The following VPS54 variants were observed in gnomAD, a reference collection of about 807,000 sequenced individuals.
VPS54 encodes VPS54 subunit of GARP complex, also known as vacuolar protein sorting-associated protein 54.
In VPS54, 45 loss-of-function variants were observed where a neutral mutation model predicts 121.5. That is an observed-to-expected ratio of 0.37 (90% CI 0.29 to 0.47). The LOEUF (loss-of-function observed/expected upper bound fraction) is 0.47. Ranked by LOEUF, VPS54 falls within the 20% of genes least tolerant of loss-of-function variation. The pLI is 0.99. For missense variants in VPS54, 1,090 were observed against 1,131.4 expected (o/e 0.96, Z 0.52); for synonymous variants, 371 against 385.8 (o/e 0.96, Z 0.45).
intron 1 of VPS54, among the ~76,000 whole-genome samples, chr2:63,995,932 G>A (rs529847443): frequency 2.9e-4 from 44 of 152,284 alleles, no homozygotes; most frequent in African/African-American, 8.7e-4. Flanking sequence ...TAGATCAGGT[G>A]GCAGAAAATC....
chr2:64,005,197 A>G (rs541369971), intron 1 of VPS54, among the ~76,000 whole-genome samples: 3 of 123,844 alleles, frequency 2.4e-5, no homozygotes, highest in African/African-American at 9.3e-5. Context: ...TCCGCCTCCC[A>G]GGTTCACGCC....
At position 63,916,892 on chromosome 2, in the gene VPS54, T is replaced by A; in HGVS notation, c.2228+8A>T. Reference sequence around the variant, plus strand: ...GACTCAACTACTAAAGAAAAATGTGTCACTCACCCAACAACTGCATACTGT... The same window carrying A: ...GACTCAACTACTAAAGAAAAATGTGACACTCACCCAACAACTGCATACTGT... On this transcript the variant is annotated splice_region_variant and intron_variant, in intron 16 of 22. Coordinates refer to ENST00000272322, the MANE Select transcript of VPS54 (RefSeq NM_016516.3). The A allele has an allele frequency of 6.2e-7, 1 of 1,613,296 alleles. No individual in the cohort carries two copies.
At chr2:64,005,086 CTTCTTTTTTTTTTTTTTTT>C (rs1163473285) in intron 1 of VPS54, among the ~76,000 whole-genome samples, 2 of 76,604 alleles carry the variant, frequency 2.6e-5, no homozygotes, top group African/African-American at 1.2e-4. Context: ...TCTACTATTG[CTTCTTTTTTTTTTTTTTTT>C]TTTTTTTTTT....
chr2:63,970,705 C>T (rs1407716352), intron 4 of VPS54, among the ~76,000 whole-genome samples: 1 of 152,136 alleles, frequency 6.6e-6, no homozygotes, highest in African/African-American at 2.4e-5. Flanking sequence ...AGGTGCAATT[C>T]TCTCTTGGTT....
chr2:64,001,217 C>T (rs1677859794), intron 1 of VPS54, among the ~76,000 whole-genome samples: 1 of 151,934 alleles, frequency 6.6e-6, no homozygotes. Context: ...GATACAAGGG[C>T]TCTTCAGTCA....
intron 9 of VPS54, among the ~76,000 whole-genome samples, chr2:63,945,703 T>G (rs1402479473): frequency 2.6e-5 from 4 of 152,120 alleles, no homozygotes; most frequent in Admixed American, 2.0e-4. Context: ...TCACCTAATA[T>G]TCAAAACTGT....
intron 8 of VPS54, 71 bp downstream of exon 8, chr2:63,948,966 G>A: frequency 1.3e-6 from 2 of 1,558,884 alleles, no homozygotes; most frequent in East Asian, 4.5e-5. Flanking sequence ...CCTATAATCT[G>A]AGAAAAATGT....
chr2:63,964,845 T>G (rs1051216559), intron 6 of VPS54, among the ~76,000 whole-genome samples: 4 of 152,176 alleles, frequency 2.6e-5, no homozygotes, highest in African/African-American at 9.7e-5. Flanking sequence ...CTTCTCATTT[T>G]AAGAACTACC....
intron 7 of VPS54, among the ~76,000 whole-genome samples, chr2:63,950,522 T>C (rs1675190800): frequency 6.6e-6 from 1 of 152,194 alleles, no homozygotes; most frequent in South Asian, 2.1e-4. Flanking sequence ...AGGTACTTCC[T>C]GACTTCAGAG....
chr2:63,986,096 C>T (rs1025870411), intron 1 of VPS54, among the ~76,000 whole-genome samples: 1 of 152,140 alleles, frequency 6.6e-6, no homozygotes, highest in Admixed American at 6.5e-5. Flanking sequence ...TTTGTGAGTA[C>T]ACAGTAGGTA....
chr2:63,960,193 G>A (rs528769212), intron 7 of VPS54, among the ~76,000 whole-genome samples: 80 of 152,070 alleles, frequency 5.3e-4, no homozygotes, highest in African/African-American at 1.8e-3. Flanking sequence ...AGCTAAGAGC[G>A]CACCACTGCA....
intron 22 of VPS54, among the ~76,000 whole-genome samples, chr2:63,894,633 G>A (rs544597944): frequency 3.3e-5 from 5 of 151,700 alleles, no homozygotes; most frequent in South Asian, 2.1e-4. Context: ...AGCCACGGAG[G>A]TTGAGGCTGC....
At chr2:63,955,440 T>G (rs545612524) in intron 7 of VPS54, among the ~76,000 whole-genome samples, 5 of 152,116 alleles carry the variant, frequency 3.3e-5, no homozygotes, top group Non-Finnish European at 7.4e-5. Context: ...AGAATTATGG[T>G]GGGAGGTCCA....
At chr2:64,012,736 C>G (rs1191087838) in intron 1 of VPS54, among the ~76,000 whole-genome samples, 5 of 151,882 alleles carry the variant, frequency 3.3e-5, no homozygotes, top group African/African-American at 1.2e-4. Flanking sequence ...CAAATGAAGG[C>G]CCTTTCCCTC....
chr2:63,921,446 A>C, intron 12 of VPS54, 111 bp from the exon 13 acceptor site: 1 of 1,192,276 alleles, frequency 8.4e-7, no homozygotes, highest in Non-Finnish European at 1.2e-6. Context: ...CATTTGAAGA[A>C]AAATTCTATG....
intron 12 of VPS54, among the ~76,000 whole-genome samples, chr2:63,929,925 A>C (rs750550325): frequency 2.6e-5 from 4 of 152,194 alleles, no homozygotes; most frequent in Non-Finnish European, 4.4e-5. Context: ...GAAATGGATA[A>C]ATTCCTCGAC....
At chr2:63,901,407 G>A (rs984135456) in intron 20 of VPS54, among the ~76,000 whole-genome samples, 5 of 152,148 alleles carry the variant, frequency 3.3e-5, no homozygotes, top group Non-Finnish European at 5.9e-5. Context: ...AAGGCCAAAC[G>A]TGGGCTAGGA....
chr2:64,019,024 C>A lies in VPS54; in HGVS notation c.-107G>T. 1 of 151,432 alleles carries A rather than the reference C, an allele frequency of 6.6e-6. No individual in the cohort carries two copies. Among genetic ancestry groups the A allele is most frequent in the South Asian group, 1.8e-4 (1 of 5,534 alleles). The allele number at this position is 151,432 out of a possible 1,614,324, so 9.4% of individuals were successfully genotyped here. On this transcript the variant is annotated 5_prime_UTR_variant, in exon 1 of 23. Transcript: ENST00000272322. Reference sequence around the variant, plus strand: ...TCCACGTCGCACCGAGGCTGCTGCTCCACGGCCGCCGCCGCCCGGCGCCCG... The same window carrying A: ...TCCACGTCGCACCGAGGCTGCTGCTACACGGCCGCCGCCGCCCGGCGCCCG...
At chr2:63,998,721 C>T (rs1677728113) in intron 1 of VPS54, among the ~76,000 whole-genome samples, 1 of 152,004 alleles carries the variant, frequency 6.6e-6, no homozygotes, top group Non-Finnish European at 1.5e-5. Context: ...CACTTTATAG[C>T]TTTTTGTTGT....
Sources: gnomAD v4.1 joint callset for allele counts (sites outside exome capture counted in the v4.1 genomes callset) on GRCh38, gnomAD v4.1.1 for gene constraint, MANE v1.5 for transcripts, NCBI Gene and HGNC (gene_info 2026-07-23, HGNC 2026-07-21) for gene names.